Variants in LINGO1 observed in about 807,000 individuals in gnomAD.
LINGO1 encodes the protein leucine rich repeat and Ig domain containing 1.
Under a neutral mutation model 37.3 loss-of-function variants are expected in LINGO1, and 11 were observed. The ratio of observed to expected loss-of-function variants is 0.29; its 90% CI spans 0.19 to 0.49. The LOEUF (loss-of-function observed/expected upper bound fraction) is 0.49. LINGO1 is among the 20% of genes least tolerant of loss of function. The pLI, the probability that LINGO1 is intolerant of heterozygous loss-of-function variation, is 0.99. For missense variants in LINGO1, 585 were observed against 878.2 expected, an observed-to-expected ratio of 0.67 and a Z score of 4.22; for synonymous variants, 387 against 403.0, an observed-to-expected ratio of 0.96 and a Z score of 0.48.
chr15:77,776,488 A>AGCAGGAAGGCAGGAAAGCAGGAAG lies in LINGO1; in HGVS notation c.-257+10380_-257+10381insCTTCCTGCTTTCCTGCCTTCCTGC, dbSNP rs2076646825. 2.0e-3 allele frequency among the ~76,000 whole-genome samples: 178 copies of AGCAGGAAGGCAGGAAAGCAGGAAG among 90,510 alleles called. 4 individuals carry two copies. The highest frequency in any genetic ancestry group is 0.018 in the South Asian group (47 of 2,578). The allele number at this position is 90,510 out of a possible 152,430, so 59.4% of individuals were successfully genotyped here. ...AGGCAGGAAGGCAGGAAGGCAGGAAAGCAGGAAGGCAGGAAGGCAGGAAGG... is the reference window on the plus strand; with the variant it reads ...AGGCAGGAAGGCAGGAAGGCAGGAAAGCAGGAAGGCAGGAAAGCAGGAAGGCAGGAAGGCAGGAAGGCAGGAAGG... On this transcript the variant is annotated intron_variant, in intron 1 of 3. Coordinates refer to the LINGO1 transcript ENST00000561686.
At chr15:77,688,281 G>C (rs2075545984) in intron 2 of LINGO1, among the ~76,000 whole-genome samples, 3 of 152,248 alleles carry the variant, frequency 2.0e-5, no homozygotes. Flanking sequence ...CAAGCAGAGG[G>C]TCAAGTTGGT....
At chr15:77,720,458 T>G (rs893741800) in intron 2 of LINGO1, among the ~76,000 whole-genome samples, 3 of 152,214 alleles carry the variant, frequency 2.0e-5, no homozygotes, top group Admixed American at 2.0e-4. Context: ...GGAATCTGCA[T>G]GAAGAACCAT....
intron 3 of LINGO1, among the ~76,000 whole-genome samples, chr15:77,676,530 G>A (rs1042632845): frequency 1.3e-5 from 2 of 152,180 alleles, no homozygotes; most frequent in African/African-American, 4.8e-5. Context: ...GAGTGGCGCA[G>A]AAATGGCCTA....
At chr15:77,774,404 G>GCAGCCCCCACCAATTCCACTCC (rs2076616452) in intron 1 of LINGO1, among the ~76,000 whole-genome samples, 1 of 152,056 alleles carries the variant, frequency 6.6e-6, no homozygotes. Flanking sequence ...GAATCGAGAA[G>GCAGCCCCCACCAATTCCACTCC]CAGCCCCCAC....
intron 2 of LINGO1, among the ~76,000 whole-genome samples, chr15:77,701,677 T>A (rs1197371701): frequency 6.6e-6 from 1 of 152,058 alleles, no homozygotes; most frequent in Non-Finnish European, 1.5e-5. Context: ...TGAGAACTGA[T>A]TGTTAAAAAG....
At chr15:77,778,659 T>C (rs2076685364) in intron 1 of LINGO1, among the ~76,000 whole-genome samples, 2 of 152,148 alleles carry the variant, frequency 1.3e-5, no homozygotes, top group South Asian at 4.1e-4. Context: ...ACTTTCAAAA[T>C]CTATCCAGAA....
intron 1 of LINGO1, among the ~76,000 whole-genome samples, chr15:77,776,556 G>GGCAGGAAGGCAGGAAGGCAGGAAGGCA (rs1307931922): frequency 6.6e-6 from 1 of 150,660 alleles, no homozygotes; most frequent in Non-Finnish European, 1.5e-5. Flanking sequence ...GAGGGAGGGA[G>GGCAGGAAGGCAGGAAGGCAGGAAGGCA]GGAGCTGACT....
At chr15:77,775,527 T>C (rs1173115352) in intron 1 of LINGO1, among the ~76,000 whole-genome samples, 1 of 152,026 alleles carries the variant, frequency 6.6e-6, no homozygotes, top group Admixed American at 6.5e-5. Context: ...CTCTCTGAAA[T>C]GAGAAGACTT....
At chr15:77,806,010 G>C (rs1177724666) in intron 1 of LINGO1, among the ~76,000 whole-genome samples, 1 of 152,148 alleles carries the variant, frequency 6.6e-6, no homozygotes, top group South Asian at 2.1e-4. Context: ...GGCGGGAGTG[G>C]GGAGCTAAGC....
intron 2 of LINGO1, among the ~76,000 whole-genome samples, chr15:77,704,886 A>G (rs2075830611): frequency 6.6e-6 from 1 of 152,142 alleles, no homozygotes. Flanking sequence ...CTGGCCCCAC[A>G]GTGTAAATCC....
At chr15:77,800,568 G>C (rs1487424811) in intron 1 of LINGO1, among the ~76,000 whole-genome samples, 1 of 152,220 alleles carries the variant, frequency 6.6e-6, no homozygotes, top group African/African-American at 2.4e-5. Context: ...ACACAGCTGG[G>C]AAGGAGCCTA....
exon 1 of LINGO1, chr15:77,786,869 T>C (rs753906996): frequency 6.6e-6 from 1 of 152,234 alleles, no homozygotes; most frequent in Non-Finnish European, 1.5e-5. Flanking sequence ...GTCACCTCAC[T>C]TCACAAAGCC....
chr15:77,777,465 G>GCACACACACACA (rs112112009), intron 1 of LINGO1, among the ~76,000 whole-genome samples: 1 of 140,004 alleles, frequency 7.1e-6, no homozygotes, highest in Non-Finnish European at 1.5e-5. Flanking sequence ...ATACACACAC[G>GCACACACACACA]CACACACACA....
chr15:77,655,904 A>G (rs112461241), intron 3 of LINGO1, among the ~76,000 whole-genome samples: 6 of 152,252 alleles, frequency 3.9e-5, no homozygotes, highest in African/African-American at 1.4e-4. Context: ...CTGTTCTCCA[A>G]GCAGCCTTCC....
intron 3 of LINGO1, among the ~76,000 whole-genome samples, chr15:77,666,094 C>G (rs1482680724): frequency 3.3e-5 from 5 of 152,204 alleles, no homozygotes; most frequent in African/African-American, 1.2e-4. Context: ...CACACAGCAT[C>G]CAGCAAGTGT....
At chr15:77,753,248 G>A (rs2076388284) in intron 1 of LINGO1, among the ~76,000 whole-genome samples, 1 of 152,216 alleles carries the variant, frequency 6.6e-6, no homozygotes, top group Non-Finnish European at 1.5e-5. Context: ...TCCTTCTAAA[G>A]CTTCCTTGTA....
chr15:77,641,747 C>G, intron 3 of LINGO1: 2 of 418,640 alleles, frequency 4.8e-6, no homozygotes, highest in South Asian at 3.4e-5. Flanking sequence ...AGAAGAGGCC[C>G]AGAGACACAG....
intron 1 of LINGO1, among the ~76,000 whole-genome samples, chr15:77,799,031 C>T (rs933359525): frequency 3.3e-5 from 5 of 152,258 alleles, no homozygotes; most frequent in South Asian, 2.1e-4. Flanking sequence ...GAGAGGCCCA[C>T]GCCCACTGTA....
chr15:77,753,382 G>A (rs1308007922), intron 1 of LINGO1, among the ~76,000 whole-genome samples: 1 of 152,216 alleles, frequency 6.6e-6, no homozygotes, highest in East Asian at 1.9e-4. Context: ...TAGGACTTGG[G>A]TCAGAATGAC....
Sources: allele counts gnomAD v4.1 joint callset (sites outside exome capture counted in the v4.1 genomes callset), GRCh38; gene constraint gnomAD v4.1.1; transcripts MANE v1.5; gene names NCBI Gene and HGNC (gene_info 2026-07-23, HGNC 2026-07-21).